The following SCARB1 variants were observed in gnomAD, a reference collection of about 807,000 sequenced individuals.
The protein encoded by SCARB1 is scavenger receptor class B member 1.
In SCARB1, 30 loss-of-function variants were observed where a neutral mutation model predicts 57.2. That is an observed-to-expected ratio of 0.52 (90% CI 0.39 to 0.71). The LOEUF is 0.71. Ranked by LOEUF, SCARB1 falls within the 30% of genes least tolerant of loss-of-function variation. The pLI is 0.00. For missense variants in SCARB1, 543 were observed against 671.2 expected (o/e 0.81, Z 2.11); for synonymous variants, 249 against 268.3 (o/e 0.93, Z 0.70).
intron 10 of SCARB1, 127 bp from the exon 11 acceptor site, chr12:124,786,630 C>G: frequency 6.5e-7 from 1 of 1,527,804 alleles, no homozygotes; most frequent in South Asian, 1.2e-5. Context: ...CCGGCTAAAG[C>G]ATGTGTTGGA....
chr12:124,863,763 G>T lies in SCARB1; in HGVS notation c.-43C>A. ...CCACCCGCGGCTCGCAGGGCTCCGC[G>T]CCTGGCAGGAGACGGGGACGGCGAC... On this transcript the variant is annotated 5_prime_UTR_variant, in exon 1 of 13. Transcript: ENST00000261693. 2 of 1,405,988 alleles carry T rather than the reference G, an allele frequency of 1.4e-6. No homozygotes were observed. The highest frequency in any genetic ancestry group is 1.6e-5 in the South Asian group (1 of 62,616). The allele number at this position is 1,405,988 out of a possible 1,614,324, so 87.1% of individuals were successfully genotyped here.
At chr12:124,801,484 C>G (rs1310153597) in intron 7 of SCARB1, among the ~76,000 whole-genome samples, 1 of 152,138 alleles carries the variant, frequency 6.6e-6, no homozygotes, top group Non-Finnish European at 1.5e-5. Context: ...CAAAACAAAA[C>G]AAAAACTTGA....
Position 124,817,521 on chromosome 12 carries a change from C to T in SCARB1, c.284+29G>A. 1 of 1,611,776 alleles carries T rather than the reference C, an allele frequency of 6.2e-7. No individual in the cohort carries two copies. The highest frequency in any genetic ancestry group is 1.7e-4 in the Middle Eastern group (1 of 6,010). On this transcript the variant is annotated intron_variant, in intron 2 of 12. Coordinates refer to ENST00000261693, the MANE Select transcript of SCARB1 (RefSeq NM_005505.5). This position sits in a 1 kb window ranked among gnomAD's most constrained non-coding sequence, Gnocchi z 4.8. ...CTCCCCTGCCCAGCCTCAGCCGGCC[C>T]CTCCACCCTCACCTGGACACAGCCT...
chr12:124,801,808 T>G (rs1187077481), intron 7 of SCARB1, among the ~76,000 whole-genome samples: 1 of 151,480 alleles, frequency 6.6e-6, no homozygotes, highest in African/African-American at 2.4e-5. Flanking sequence ...ATTGCACCAA[T>G]GCACTCCAGC....
At chr12:124,786,059 T>C in intron 11 of SCARB1, 1 of 1,518,774 alleles carries the variant, frequency 6.6e-7, no homozygotes, top group Non-Finnish European at 8.8e-7. Context: ...GGGTGCTGAC[T>C]TGATGAATGG....
intron 1 of SCARB1, among the ~76,000 whole-genome samples, chr12:124,845,328 T>G (rs1320961240): frequency 1.3e-5 from 2 of 152,046 alleles, no homozygotes; most frequent in Admixed American, 1.3e-4. Flanking sequence ...ACACCACGGA[T>G]GAACCCCAAA....
At chr12:124,797,037 C>T (rs559910199) in intron 8 of SCARB1, among the ~76,000 whole-genome samples, 4 of 152,258 alleles carry the variant, frequency 2.6e-5, no homozygotes, top group Admixed American at 2.0e-4. Context: ...TGGTACCTGC[C>T]AGGCAGAGGT....
chr12:124,827,184 G>A (rs575638211), intron 1 of SCARB1, among the ~76,000 whole-genome samples: 4 of 152,224 alleles, frequency 2.6e-5, no homozygotes, highest in African/African-American at 7.2e-5. Context: ...CGGGAGCATC[G>A]GCAGACTCGC....
At chr12:124,835,585 AAATTT>A (rs940349337) in intron 1 of SCARB1, among the ~76,000 whole-genome samples, 2 of 152,148 alleles carry the variant, frequency 1.3e-5, no homozygotes, top group Non-Finnish European at 2.9e-5. Context: ...AATTTTTCAT[AAATTT>A]TTTTTAATTC....
intron 9 of SCARB1, among the ~76,000 whole-genome samples, chr12:124,794,571 TGTC>T (rs764905134): frequency 1.3e-5 from 2 of 152,090 alleles, no homozygotes; most frequent in African/African-American, 4.8e-5. Flanking sequence ...TCTGCCACTC[TGTC>T]GTGTAGGAAA....
chr12:124,795,846 GACA>G (rs750161538), intron 8 of SCARB1, among the ~76,000 whole-genome samples: 10 of 152,216 alleles, frequency 6.6e-5, no homozygotes, highest in Non-Finnish European at 1.0e-4. Flanking sequence ...CCTGCTGACA[GACA>G]ACAATATTTT....
intron 1 of SCARB1, among the ~76,000 whole-genome samples, chr12:124,857,108 G>A (rs765526912): frequency 2.0e-4 from 30 of 152,228 alleles, no homozygotes; most frequent in African/African-American, 3.9e-4. Flanking sequence ...TCAGACACAC[G>A]GAGAACCGGG....
chr12:124,863,102 TG>T (rs1397306538), intron 1 of SCARB1, among the ~76,000 whole-genome samples: 1 of 152,184 alleles, frequency 6.6e-6, no homozygotes, highest in African/African-American at 2.4e-5. Context: ...CCATGTGAGC[TG>T]GGCACCCACG....
intron 1 of SCARB1, among the ~76,000 whole-genome samples, chr12:124,837,497 A>G (rs1204165808): frequency 3.1e-5 from 4 of 128,668 alleles, no homozygotes; most frequent in Admixed American, 8.7e-5. Context: ...GGAAGGAAGG[A>G]AGGAAGGGAG....
At chr12:124,819,057 G>T (rs1177742924) in intron 1 of SCARB1, among the ~76,000 whole-genome samples, 3 of 151,992 alleles carry the variant, frequency 2.0e-5, no homozygotes, top group African/African-American at 7.2e-5. Flanking sequence ...AGCCAAGGAG[G>T]TCGAGGCTGC....
intron 11 of SCARB1, chr12:124,783,213 A>C: frequency 4.5e-6 from 1 of 220,740 alleles, no homozygotes; most frequent in Non-Finnish European, 9.0e-6. Flanking sequence ...TGAGAAGAAA[A>C]AATTACTGCT....
intron 1 of SCARB1, among the ~76,000 whole-genome samples, chr12:124,852,766 C>T (rs569764987): frequency 1.6e-4 from 25 of 152,344 alleles, no homozygotes; most frequent in East Asian, 9.6e-4. Context: ...GCAAGCCAGG[C>T]GCGGTGGCTC....
intron 1 of SCARB1, among the ~76,000 whole-genome samples, chr12:124,861,845 G>A (rs893887056): frequency 5.3e-5 from 8 of 151,076 alleles, no homozygotes; most frequent in East Asian, 1.9e-4. Flanking sequence ...GGAGAGGAGT[G>A]GGGAAATTTG....
At chr12:124,819,967 T>G (rs1169025698) in intron 1 of SCARB1, among the ~76,000 whole-genome samples, 1 of 152,228 alleles carries the variant, frequency 6.6e-6, no homozygotes, top group Non-Finnish European at 1.5e-5. Context: ...ATGAAGAAGC[T>G]GAATTCTTTG....
Sources: gnomAD v4.1 joint callset for allele counts (sites outside exome capture counted in the v4.1 genomes callset) on GRCh38, gnomAD v4.1.1 for gene constraint, Gnocchi (gnomAD v3.1) non-coding constraint, MANE v1.5 for transcripts, NCBI Gene and HGNC (gene_info 2026-07-23, HGNC 2026-07-21) for gene names.